The following CSMD1 variants were observed in gnomAD, a reference collection of about 807,000 sequenced individuals.
CSMD1 encodes CUB and Sushi multiple domains 1, also known as CUB and sushi domain-containing protein 1.
CSMD1 carries 213 observed loss-of-function variants against 417.5 expected under a neutral mutation model. The ratio of observed to expected loss-of-function variants is 0.51; its 90% CI spans 0.46 to 0.57. The LOEUF (loss-of-function observed/expected upper bound fraction) is 0.57. CSMD1 is among the 20% of genes least tolerant of loss of function. The probability of loss-of-function intolerance (pLI) is 0.00; values close to 1 mark genes in which losing one functional copy is unlikely to be tolerated. For synonymous variants in CSMD1, 2,862 were observed against 1,736.8 expected, an observed-to-expected ratio of 1.65 and a Z score of -16.11; for missense variants, 6,923 against 4,529.7, an observed-to-expected ratio of 1.53 and a Z score of -15.17.
intron 1 of CSMD1, among the ~76,000 whole-genome samples, chr8:4,961,593 GT>G (rs1809489614): frequency 6.6e-6 from 1 of 152,110 alleles, no homozygotes; most frequent in Non-Finnish European, 1.5e-5. Context: ...CATGGTTACT[GT>G]GAAATTCTGT....
intron 25 of CSMD1, among the ~76,000 whole-genome samples, chr8:3,294,122 C>T (rs566962295): frequency 6.6e-6 from 1 of 152,184 alleles, no homozygotes; most frequent in African/African-American, 2.4e-5. Context: ...GTATCAGCAG[C>T]AGAGACTGCA....
intron 3 of CSMD1, among the ~76,000 whole-genome samples, chr8:4,086,789 T>C (rs1800444273): frequency 6.6e-6 from 1 of 152,340 alleles, no homozygotes; most frequent in Admixed American, 6.5e-5. Context: ...GTGAATGAAC[T>C]TGTGAAACAA....
chr8:4,141,515 G>C (rs752908939), intron 3 of CSMD1, among the ~76,000 whole-genome samples: 11 of 151,110 alleles, frequency 7.3e-5, no homozygotes, highest in Middle Eastern at 3.4e-3. Flanking sequence ...AGAGTTATTC[G>C]CTACATTTTC....
rs1804831976 is a variant in CSMD1 at position 4,665,069 on chromosome 8, GT to G, written c.86-27512del. On this transcript the variant is annotated intron_variant, in intron 1 of 69. Transcript: ENST00000635120. ...TTATTAATTTGCAGAAAAGGTATTA[GT>G]TTCCCTTTACTCTCCTTCCACCTTG... is the stretch of plus-strand genomic sequence containing the variant. Among the ~76,000 whole-genome samples, 4 of 152,162 alleles carry G rather than the reference GT, an allele frequency of 2.6e-5. 1 individual carries two copies. The South Asian group carries it at 8.3e-4, about 32-fold the overall frequency.
At chr8:3,114,256 A>C (rs6987799) in intron 42 of CSMD1, among the ~76,000 whole-genome samples, 12,170 of 152,092 alleles carry the variant, frequency 0.08, 1,569 homozygotes, top group African/African-American at 0.27. Context: ...ATAAATAAAT[A>C]AAGTGAAAAC....
intron 3 of CSMD1, among the ~76,000 whole-genome samples, chr8:4,203,404 C>G (rs1299736170): frequency 3.3e-5 from 5 of 152,130 alleles, no homozygotes; most frequent in African/African-American, 7.2e-5. Context: ...GTTTCTATGC[C>G]ACTACATTTG....
At chr8:4,694,874 C>T (rs539809607) in intron 1 of CSMD1, among the ~76,000 whole-genome samples, 2 of 152,240 alleles carry the variant, frequency 1.3e-5, no homozygotes, top group Admixed American at 1.3e-4. Flanking sequence ...GCCAAATTTT[C>T]ATCTTTCAGA....
chr8:3,398,336 T>C (rs764958714), intron 16 of CSMD1, among the ~76,000 whole-genome samples: 6 of 152,196 alleles, frequency 3.9e-5, no homozygotes, highest in Admixed American at 2.0e-4. Flanking sequence ...CTTTCTAATA[T>C]AGATGGATTT....
chr8:4,970,355 G>T (rs540938760), intron 1 of CSMD1, among the ~76,000 whole-genome samples: 1 of 152,002 alleles, frequency 6.6e-6, no homozygotes, highest in Admixed American at 6.6e-5. Flanking sequence ...AGAACAAAAA[G>T]ATTCAAAAAT....
At chr8:4,578,799 G>A (rs1585278030) in intron 2 of CSMD1, among the ~76,000 whole-genome samples, 1 of 127,828 alleles carries the variant, frequency 7.8e-6, no homozygotes, top group Non-Finnish European at 1.6e-5. Context: ...GGGTGACAGA[G>A]ATAGACTCCA....
At chr8:4,170,908 T>C (rs1797729798) in intron 3 of CSMD1, among the ~76,000 whole-genome samples, 1 of 151,922 alleles carries the variant, frequency 6.6e-6, no homozygotes, top group Non-Finnish European at 1.5e-5. Flanking sequence ...ACTTTTCCCA[T>C]TCACTTATTC....
rs116860910 is a variant in CSMD1 at position 4,745,991 on chromosome 8, T to A, written c.86-108433A>T. ...GAAGTACAGGCTAAGAATCAAGATATGGTTTAGAAAAAGAAAATCTTCTAA... is the reference window on the plus strand; with the variant it reads ...GAAGTACAGGCTAAGAATCAAGATAAGGTTTAGAAAAAGAAAATCTTCTAA... On this transcript the variant is annotated intron_variant, in intron 1 of 69. Transcript: ENST00000635120. Among the ~76,000 whole-genome samples, 107 of 152,344 alleles carry A rather than the reference T, an allele frequency of 7.0e-4. No homozygotes were observed. In the East Asian group the frequency reaches 0.019, roughly 28 times the overall value.
intron 10 of CSMD1, among the ~76,000 whole-genome samples, chr8:3,565,181 GAAAGATAC>G (rs1343641763): frequency 2.5e-5 from 1 of 40,166 alleles, no homozygotes; most frequent in African/African-American, 8.1e-5. Flanking sequence ...AAGAAAGAAA[GAAAGATAC>G]ATAGATAGAC....
In CSMD1 at chr8:2,938,581, A is replaced by AG. The variant is rs1273700970; in HGVS notation, c.*3dup. On this transcript the variant is annotated 3_prime_UTR_variant, in exon 70 of 70. Coordinates refer to ENST00000635120, the MANE Select transcript of CSMD1 (RefSeq NM_033225.6). ...ATGAATCAGTCCTGTTGGGGCACTG[A>AG]GGGCTATACCACTGTACAGACTGTG... The AG allele has an allele frequency of 1.2e-6, 2 of 1,609,866 alleles. No individual in the cohort carries two copies. Among genetic ancestry groups the AG allele is most frequent in the Non-Finnish European group, 1.7e-6 (2 of 1,177,998 alleles).
rs144569213 is a variant in CSMD1, at chr8:4,024,262, A to G, written c.610+7643T>C. 2.7e-3 allele frequency among the ~76,000 whole-genome samples: 414 copies of G among 152,334 alleles called. 1 individual carries two copies. Among genetic ancestry groups the G allele is most frequent in the African/African-American group, 9.7e-3 (402 of 41,578 alleles). ...TACTCATATCAAGGTGTCAATTGAG[A>G]AAGTTCACAACGGATAAAGCATGAA... On this transcript the variant is annotated intron_variant, in intron 4 of 69. Transcript: ENST00000635120.
intron 5 of CSMD1, among the ~76,000 whole-genome samples, chr8:3,864,855 G>A (rs1804973094): frequency 6.6e-6 from 1 of 152,100 alleles, no homozygotes; most frequent in African/African-American, 2.4e-5. Flanking sequence ...CCTAGTTTTG[G>A]CCAGACTAGA....
At chr8:3,328,065 C>A (rs1480599707) in intron 23 of CSMD1, among the ~76,000 whole-genome samples, 1 of 152,194 alleles carries the variant, frequency 6.6e-6, no homozygotes, top group Non-Finnish European at 1.5e-5. Flanking sequence ...GTAAAGCCAT[C>A]CGCTTTCTGA....
At chr8:4,406,924 C>G (rs1447597633) in intron 3 of CSMD1, among the ~76,000 whole-genome samples, 5 of 152,132 alleles carry the variant, frequency 3.3e-5, no homozygotes, top group Non-Finnish European at 5.9e-5. Context: ...GGTTAAATAA[C>G]AAGACCAAGC....
intron 48 of CSMD1, among the ~76,000 whole-genome samples, chr8:3,088,035 T>C (rs1814667767): frequency 6.6e-6 from 1 of 152,348 alleles, no homozygotes; most frequent in East Asian, 1.9e-4. Context: ...CCTTCTTTTT[T>C]AGCATATGGG....
Sources: gnomAD v4.1 joint callset for allele counts (sites outside exome capture counted in the v4.1 genomes callset) on GRCh38, gnomAD v4.1.1 for gene constraint, MANE v1.5 for transcripts, NCBI Gene and HGNC (gene_info 2026-07-23, HGNC 2026-07-21) for gene names.